Variants in CSMD1 observed in about 807,000 individuals in gnomAD.
CSMD1 encodes the protein CUB and sushi domain-containing protein 1.
CSMD1 carries 213 observed loss-of-function variants against 417.5 expected under a neutral mutation model. The ratio of observed to expected loss-of-function variants is 0.51; its 90% CI spans 0.46 to 0.57. CSMD1 has a LOEUF of 0.57. Ranked by LOEUF, CSMD1 falls within the 20% of genes least tolerant of loss-of-function variation. The probability of loss-of-function intolerance (pLI) is 0.00; values close to 1 mark genes in which losing one functional copy is unlikely to be tolerated. For missense variants in CSMD1, 6,923 were observed against 4,529.7 expected (o/e 1.53, Z -15.17); for synonymous variants, 2,862 against 1,736.8 (o/e 1.65, Z -16.11).
rs149545686 is a variant in CSMD1 at position 3,450,350 on chromosome 8, G to A, written c.1561+18362C>T. Among the ~76,000 whole-genome samples the A allele has an allele frequency of 2.3e-3, 351 of 151,646 alleles. 3 individuals are homozygous for A. Among genetic ancestry groups the A allele is most frequent in the African/African-American group, 8.1e-3 (333 of 41,314 alleles). ...TTATGCTTTCAGTTTTAGGGTACATGTTCACAACGTGCAGGTTTGTTACAT... is the reference window on the plus strand; with the variant it reads ...TTATGCTTTCAGTTTTAGGGTACATATTCACAACGTGCAGGTTTGTTACAT... On this transcript the variant is annotated intron_variant, in intron 12 of 69. Transcript: ENST00000635120.
chr8:4,323,542 G>C (rs1211246521), intron 3 of CSMD1, among the ~76,000 whole-genome samples: 1 of 152,068 alleles, frequency 6.6e-6, no homozygotes, highest in East Asian at 1.9e-4. Flanking sequence ...GACCAGTGTG[G>C]GTGATCTATA....
chr8:3,916,624 A>G (rs1281817219), intron 5 of CSMD1, among the ~76,000 whole-genome samples: 1 of 152,200 alleles, frequency 6.6e-6, no homozygotes, highest in East Asian at 1.9e-4. Context: ...CTGCAAATGT[A>G]CTTAACATAT....
intron 7 of CSMD1, chr8:3,704,632 C>T (rs896252234): frequency 3.9e-5 from 6 of 152,222 alleles, no homozygotes; most frequent in Non-Finnish European, 7.3e-5. Context: ...TTTCTTCTCT[C>T]GCTTATTAAA....
chr8:4,186,241 A>C (rs1798669036), intron 3 of CSMD1, among the ~76,000 whole-genome samples: 1 of 152,072 alleles, frequency 6.6e-6, no homozygotes, highest in Admixed American at 6.5e-5. Flanking sequence ...GTGTTGCCAT[A>C]CTCACTGCAG....
intron 7 of CSMD1, among the ~76,000 whole-genome samples, chr8:3,707,893 G>T (rs1167927190): frequency 1.3e-5 from 2 of 152,178 alleles, no homozygotes; most frequent in South Asian, 2.1e-4. Context: ...TATTGATCTG[G>T]TATCTACCAG....
At chr8:3,923,919 TAA>T (rs1223819897) in intron 5 of CSMD1, among the ~76,000 whole-genome samples, 1 of 152,218 alleles carries the variant, frequency 6.6e-6, no homozygotes, top group African/African-American at 2.4e-5. Flanking sequence ...TTAAATTTCA[TAA>T]AAGAGTTAGA....
intron 3 of CSMD1, among the ~76,000 whole-genome samples, chr8:4,300,253 G>C (rs183264397): frequency 6.6e-6 from 1 of 152,204 alleles, no homozygotes; most frequent in Non-Finnish European, 1.5e-5. Flanking sequence ...TAAACACAGA[G>C]CTTTCTGCAT....
intron 5 of CSMD1, among the ~76,000 whole-genome samples, chr8:3,792,180 G>C (rs1195448410): frequency 3.3e-5 from 5 of 152,052 alleles, no homozygotes; most frequent in Admixed American, 3.3e-4. Flanking sequence ...TGTAGTCCCA[G>C]CTACAGGGGA....
At chr8:4,485,416 C>G (rs1433813374) in intron 2 of CSMD1, among the ~76,000 whole-genome samples, 2 of 152,154 alleles carry the variant, frequency 1.3e-5, no homozygotes, top group Non-Finnish European at 2.9e-5. Context: ...TAAACTGACT[C>G]TCACAGAGAG....
chr8:3,755,292 T>A (rs111601122), intron 5 of CSMD1, among the ~76,000 whole-genome samples: 9 of 152,288 alleles, frequency 5.9e-5, no homozygotes, highest in African/African-American at 1.9e-4. Context: ...CTGTTACCCA[T>A]TGTATAAACT....
intron 1 of CSMD1, among the ~76,000 whole-genome samples, chr8:4,741,731 G>A (rs909054490): frequency 6.6e-6 from 1 of 152,220 alleles, no homozygotes; most frequent in East Asian, 1.9e-4. Flanking sequence ...TGACATAGTA[G>A]CTTGTTAGAA....
intron 25 of CSMD1, among the ~76,000 whole-genome samples, chr8:3,306,482 C>CT (rs1395237895): frequency 6.6e-5 from 10 of 152,246 alleles, no homozygotes; most frequent in African/African-American, 2.4e-4. Context: ...TGACCTGTAA[C>CT]TTTTTTTCAG....
chr8:3,395,456 T>C (rs7844978), intron 17 of CSMD1, among the ~76,000 whole-genome samples: 84,313 of 152,000 alleles, frequency 0.55, 23,760 homozygotes, highest in African/African-American at 0.62. Context: ...TTCAGAAGTA[T>C]ATTTGCATAA....
chr8:4,149,181 C>G (rs1322363076), intron 3 of CSMD1, among the ~76,000 whole-genome samples: 2 of 152,066 alleles, frequency 1.3e-5, no homozygotes, highest in East Asian at 1.9e-4. Flanking sequence ...CTAGGCTGGT[C>G]TCGAACTCCT....
At chr8:3,726,881 G>A (rs936228227) in intron 6 of CSMD1, among the ~76,000 whole-genome samples, 10 of 152,188 alleles carry the variant, frequency 6.6e-5, no homozygotes, top group East Asian at 3.9e-4. Context: ...TTCCTGTCCC[G>A]TTAAAAAACA....
At chr8:3,579,869 T>A (rs573927759) in intron 9 of CSMD1, among the ~76,000 whole-genome samples, 1 of 152,254 alleles carries the variant, frequency 6.6e-6, no homozygotes, top group South Asian at 2.1e-4. Context: ...TTTGGAAGGC[T>A]GAGGCGGGTG....
At chr8:4,704,484 A>G (rs558779584) in intron 1 of CSMD1, among the ~76,000 whole-genome samples, 1 of 152,278 alleles carries the variant, frequency 6.6e-6, no homozygotes, top group Non-Finnish European at 1.5e-5. Context: ...AGAAATTTGA[A>G]TTTTTGTAGT....
At position 4,645,658 on chromosome 8, in the gene CSMD1, G is replaced by C. The variant is rs140173255; in HGVS notation, c.86-8100C>G. On this transcript the variant is annotated intron_variant, in intron 1 of 69. Coordinates refer to ENST00000635120, the MANE Select transcript of CSMD1 (RefSeq NM_033225.6). ...AAAGAGATGTCGAAGGTAGGAAGCAGGGGTAGACACAGAAAAGAAAAAAGA... is the reference window on the plus strand; with the variant it reads ...AAAGAGATGTCGAAGGTAGGAAGCACGGGTAGACACAGAAAAGAAAAAAGA... 1.9e-3 allele frequency among the ~76,000 whole-genome samples: 283 copies of C among 152,158 alleles called. 1 individual carries two copies. The highest frequency in any genetic ancestry group is 6.6e-3 in the African/African-American group (275 of 41,490).
intron 2 of CSMD1, among the ~76,000 whole-genome samples, chr8:4,568,741 T>G (rs928963880): frequency 1.3e-5 from 2 of 152,174 alleles, no homozygotes; most frequent in East Asian, 1.9e-4. Flanking sequence ...CCACCAACAG[T>G]GTAAAAGCGC....
Sources: gnomAD v4.1 joint callset for allele counts (sites outside exome capture counted in the v4.1 genomes callset) on GRCh38, gnomAD v4.1.1 for gene constraint, MANE v1.5 for transcripts, NCBI Gene and HGNC (gene_info 2026-07-23, HGNC 2026-07-21) for gene names.